The following MEOX2 variants were observed in gnomAD, a reference collection of about 807,000 sequenced individuals.
MEOX2 encodes the protein mesenchyme homeobox 2, also known as homeobox protein MOX-2.
MEOX2 carries 11 observed loss-of-function variants against 27.0 expected under a neutral mutation model. The observed-to-expected ratio is 0.41, with a 90% confidence interval of 0.26 to 0.68. MEOX2 has a LOEUF of 0.68. MEOX2 is among the 30% of genes least tolerant of loss of function. The probability of loss-of-function intolerance (pLI) is 0.33; values close to 1 mark genes in which losing one functional copy is unlikely to be tolerated. For synonymous variants in MEOX2, 189 were observed against 155.4 expected (o/e 1.22, Z -1.61); for missense variants, 436 against 385.4 (o/e 1.13, Z -1.10).
At chr7:15,614,599 A>G (rs1215587486) in intron 2 of MEOX2, among the ~76,000 whole-genome samples, 1 of 152,142 alleles carries the variant, frequency 6.6e-6, no homozygotes, top group East Asian at 1.9e-4. Flanking sequence ...GTGTTCATAA[A>G]TCAAGTTTCC....
intron 1 of MEOX2, among the ~76,000 whole-genome samples, chr7:15,654,729 T>C (rs1051186896): frequency 3.3e-5 from 5 of 151,792 alleles, no homozygotes; most frequent in African/African-American, 1.2e-4. Flanking sequence ...CTTGCAACCC[T>C]ACAGTAAACA....
chr7:15,630,260 G>A (rs955232546), intron 1 of MEOX2, among the ~76,000 whole-genome samples: 1 of 152,018 alleles, frequency 6.6e-6, no homozygotes, highest in Non-Finnish European at 1.5e-5. Flanking sequence ...CAATACTTCC[G>A]TGGAGGATAA....
intron 1 of MEOX2, among the ~76,000 whole-genome samples, chr7:15,643,424 C>G (rs1035456210): frequency 6.6e-6 from 1 of 152,170 alleles, no homozygotes; most frequent in African/African-American, 2.4e-5. Flanking sequence ...GGGCAGCTCT[C>G]AGGCCACTGG....
At chr7:15,628,014 C>T (rs981230643) in intron 1 of MEOX2, among the ~76,000 whole-genome samples, 1 of 152,054 alleles carries the variant, frequency 6.6e-6, no homozygotes, top group African/African-American at 2.4e-5. Flanking sequence ...ACACTTAACT[C>T]TTCTAGGAAC....
chr7:15,626,087 A>C (rs983571592), intron 2 of MEOX2, among the ~76,000 whole-genome samples: 1 of 152,052 alleles, frequency 6.6e-6, no homozygotes, highest in Admixed American at 6.6e-5. Context: ...CCATTTGACT[A>C]TTCTAGACAT....
chr7:15,642,023 T>G (rs1011300944), intron 1 of MEOX2, among the ~76,000 whole-genome samples: 1 of 152,192 alleles, frequency 6.6e-6, no homozygotes, highest in Non-Finnish European at 1.5e-5. Context: ...TTTGACTATT[T>G]TCTTTATCGG....
intron 1 of MEOX2, among the ~76,000 whole-genome samples, chr7:15,655,132 G>T (rs957851067): frequency 2.6e-5 from 4 of 151,560 alleles, no homozygotes; most frequent in African/African-American, 7.2e-5. Context: ...TAAAAAGTGG[G>T]TCCATTTCCT....
At chr7:15,652,473 G>T (rs1021536141) in intron 1 of MEOX2, among the ~76,000 whole-genome samples, 2 of 151,868 alleles carry the variant, frequency 1.3e-5, no homozygotes, top group Non-Finnish European at 2.9e-5. Context: ...CAATAACACT[G>T]CCACATTGGA....
chr7:15,685,080 G>T (rs1323629156), intron 1 of MEOX2, among the ~76,000 whole-genome samples: 1 of 152,210 alleles, frequency 6.6e-6, no homozygotes, highest in African/African-American at 2.4e-5. Context: ...TACCCGAGTT[G>T]CTGTTGCTTC....
intron 1 of MEOX2, among the ~76,000 whole-genome samples, chr7:15,670,104 T>C (rs574265763): frequency 3.9e-5 from 6 of 152,354 alleles, no homozygotes; most frequent in Non-Finnish European, 8.8e-5. Flanking sequence ...CTTCCATTGT[T>C]ATGTTGTGCT....
At chr7:15,634,505 G>A (rs1240406161) in intron 1 of MEOX2, among the ~76,000 whole-genome samples, 1 of 151,924 alleles carries the variant, frequency 6.6e-6, no homozygotes, top group Non-Finnish European at 1.5e-5. Flanking sequence ...GTTTATTGTT[G>A]TATGAAAATT....
At chr7:15,621,787 G>T (rs1480786335) in intron 2 of MEOX2, among the ~76,000 whole-genome samples, 1 of 152,144 alleles carries the variant, frequency 6.6e-6, no homozygotes, top group Non-Finnish European at 1.5e-5. Context: ...TGATTGTAAA[G>T]TAAGTTTTCA....
At chr7:15,657,316 A>G (rs1465949099) in intron 1 of MEOX2, among the ~76,000 whole-genome samples, 1 of 152,122 alleles carries the variant, frequency 6.6e-6, no homozygotes, top group Non-Finnish European at 1.5e-5. Flanking sequence ...CAGGAATTCC[A>G]ATTACACAAA....
chr7:15,661,790 T>C (rs1018909443), intron 1 of MEOX2, among the ~76,000 whole-genome samples: 1 of 152,172 alleles, frequency 6.6e-6, no homozygotes, highest in Admixed American at 6.5e-5. Context: ...GCCTGTGGTT[T>C]TGACATTATT....
intron 1 of MEOX2, among the ~76,000 whole-genome samples, chr7:15,629,381 A>C (rs2115362243): frequency 6.6e-6 from 1 of 152,182 alleles, no homozygotes; most frequent in East Asian, 1.9e-4. Context: ...TTTAAGCTAA[A>C]ATCTGGCTGT....
chr7:15,636,886 T>C (rs1019662867), intron 1 of MEOX2, among the ~76,000 whole-genome samples: 5 of 152,028 alleles, frequency 3.3e-5, no homozygotes, highest in Non-Finnish European at 7.4e-5. Flanking sequence ...CCCATTCATA[T>C]AAGCCCTTTT....
intron 2 of MEOX2, among the ~76,000 whole-genome samples, chr7:15,620,766 T>A (rs1013544918): frequency 3.3e-5 from 5 of 152,222 alleles, no homozygotes; most frequent in African/African-American, 1.2e-4. Context: ...GAGTATGATC[T>A]CGTTAGGTGG....
chr7:15,656,526 T>C (rs12056299), intron 1 of MEOX2, among the ~76,000 whole-genome samples: 122,060 of 151,246 alleles, frequency 0.81, 49,751 homozygotes, highest in African/African-American at 0.91. Flanking sequence ...ATCTCTTTGA[T>C]GTTGTGCTGG....
At chr7:15,647,686 A>G (rs1781673397) in intron 1 of MEOX2, among the ~76,000 whole-genome samples, 1 of 152,112 alleles carries the variant, frequency 6.6e-6, no homozygotes, top group African/African-American at 2.4e-5. Context: ...ATTATTTGTA[A>G]CAGCCAACAA....
Sources: allele counts gnomAD v4.1 joint callset (sites outside exome capture counted in the v4.1 genomes callset), GRCh38; gene constraint gnomAD v4.1.1; transcripts MANE v1.5; gene names NCBI Gene and HGNC (gene_info 2026-07-23, HGNC 2026-07-21).